The following SLC2A11 variants were observed in gnomAD, a reference collection of about 807,000 sequenced individuals.
SLC2A11 encodes the protein solute carrier family 2, facilitated glucose transporter member 11.
A neutral mutation model predicts 52.1 loss-of-function variants in SLC2A11; 43 were observed. The ratio of observed to expected loss-of-function variants is 0.82; its 90% CI spans 0.65 to 1.06. SLC2A11 has a LOEUF of 1.06. SLC2A11 is among the 50% of genes least tolerant of loss of function. The pLI, the probability that SLC2A11 is intolerant of heterozygous loss-of-function variation, is 0.00. For missense variants in SLC2A11, 582 were observed against 654.2 expected, an observed-to-expected ratio of 0.89 and a Z score of 1.20; for synonymous variants, 261 against 277.6, an observed-to-expected ratio of 0.94 and a Z score of 0.59.
At chr22:23,862,624 A>AT (rs148609125) in intron 2 of SLC2A11, among the ~76,000 whole-genome samples, 10,385 of 151,360 alleles carry the variant, frequency 0.069, 377 homozygotes, top group Middle Eastern at 0.14. Flanking sequence ...CCTGCTCAGA[A>AT]ATTTTTTTTT....
chr22:23,868,448 C>T (rs777938046), intron 2 of SLC2A11, 33 bp from the exon 3 acceptor site: 10 of 1,611,086 alleles, frequency 6.2e-6, no homozygotes, highest in Non-Finnish European at 6.8e-6. Flanking sequence ...ACGCCACCAT[C>T]CCCAGAAGGC....
At chr22:23,868,728 C>G (rs903158810) in intron 3 of SLC2A11, 87 bp downstream of exon 3, 2 of 1,516,504 alleles carry the variant, frequency 1.3e-6, no homozygotes, top group African/African-American at 1.4e-5. Flanking sequence ...AAGGAAGAGG[C>G]CCGGCAAGCT....
chr22:23,875,810 G>C (rs1424013792), intron 4 of SLC2A11, among the ~76,000 whole-genome samples: 12 of 152,188 alleles, frequency 7.9e-5, no homozygotes, highest in Non-Finnish European at 1.5e-5. Context: ...AAAATTAAGT[G>C]ACTTAAAATA....
intron 6 of SLC2A11, chr22:23,879,701 A>G (rs2032736584): frequency 1.3e-5 from 2 of 152,118 alleles, no homozygotes; most frequent in Admixed American, 1.3e-4. Flanking sequence ...TGCCTAGCGT[A>G]CTACAACCCA....
chr22:23,863,350 G>A lies in SLC2A11; in HGVS notation c.129+1148G>A, dbSNP rs139188910. On this transcript the variant is annotated intron_variant, in intron 2 of 11. Transcript: ENST00000316185. ...CTGCTGGTTTGCTCTCAGCATCTGA[G>A]TCATCTTTGAATCTCTGGCCCTTGA... Among the ~76,000 whole-genome samples, 45 of 152,286 alleles carry A rather than the reference G, an allele frequency of 3.0e-4. No homozygotes were observed. The East Asian group carries it at 5.2e-3, about 18-fold the overall frequency.
upstream of SLC2A11, chr22:23,857,533 T>TGAGCTCCCAGCGGC: frequency 6.2e-7 from 1 of 1,611,558 alleles, no homozygotes; most frequent in East Asian, 2.2e-5. Flanking sequence ...CGGACGCAGG[T>TGAGCTCCCAGCGGC]GAGCTCCCAG....
At chr22:23,858,120 T>A in intron 1 of SLC2A11, 91 bp downstream of exon 1, 1 of 1,506,700 alleles carries the variant, frequency 6.6e-7, no homozygotes. Context: ...CCTGGGAGGC[T>A]TAACTAAGTC....
chr22:23,874,970 C>G, intron 3 of SLC2A11, 147 bp from the exon 4 acceptor site: 6 of 842,704 alleles, frequency 7.1e-6, no homozygotes, highest in Non-Finnish European at 9.7e-6. Context: ...GCAAGGATAC[C>G]AGGACTCAAA....
intron 1 of SLC2A11, among the ~76,000 whole-genome samples, chr22:23,861,307 A>T (rs999963815): frequency 1.1e-5 from 1 of 88,572 alleles, no homozygotes; most frequent in African/African-American, 4.4e-5. Flanking sequence ...AAAAAAAAAA[A>T]AAAAAAAAGA....
intron 2 of SLC2A11, among the ~76,000 whole-genome samples, chr22:23,863,486 C>T (rs2032146401): frequency 6.6e-6 from 1 of 152,026 alleles, no homozygotes; most frequent in South Asian, 2.1e-4. Context: ...AGGGCAAGTA[C>T]CTAATCATGT....
intron 3 of SLC2A11, chr22:23,868,980 T>A (rs1481271685): frequency 3.8e-6 from 1 of 262,754 alleles, no homozygotes; most frequent in African/African-American, 2.2e-5. Flanking sequence ...GAATACAAAC[T>A]GACTCTGATA....
At position 23,862,113 on chromosome 22, in the gene SLC2A11, AG is replaced by A; in HGVS notation, c.42del (p.Ile15SerfsTer4). Reference protein sequence around the residue: ...ALLRSRMIQGRILLLTICAAG... With the variant: ...ALLRSRMIQGXILLLTICAAG... Reference sequence around the variant, plus strand: ...TCTCCTCTCTCCTCAGATTCAGGGCAGGATCCTGCTCCTGACCATCTGCGCT... The same window carrying A: ...TCTCCTCTCTCCTCAGATTCAGGGCAGATCCTGCTCCTGACCATCTGCGCT... On this transcript the variant is annotated frameshift_variant, in exon 2 of 12. Coordinates refer to ENST00000316185, the MANE Select transcript of SLC2A11 (RefSeq NM_001024939.4). LOFTEE classifies it high-confidence loss of function. 1 of 1,614,156 alleles carries A rather than the reference AG, an allele frequency of 6.2e-7. No individual in the cohort carries two copies. The highest frequency in any genetic ancestry group is 2.2e-5 in the East Asian group (1 of 44,890).
intron 5 of SLC2A11, 74 bp downstream of exon 5, chr22:23,877,245 C>G: frequency 6.4e-7 from 1 of 1,568,396 alleles, no homozygotes; most frequent in Non-Finnish European, 8.7e-7. Flanking sequence ...CTAAATGTCT[C>G]CCCTACCCAC....
At chr22:23,875,006 TTG>T (rs2032570502) in intron 3 of SLC2A11, 109 bp from the exon 4 acceptor site, 13 of 1,247,634 alleles carry the variant, frequency 1.0e-5, no homozygotes, top group South Asian at 4.9e-5. Context: ...CTACATACAT[TTG>T]TGTGTGTGTC....
intron 6 of SLC2A11, among the ~76,000 whole-genome samples, chr22:23,879,230 C>G (rs939298200): frequency 1.3e-5 from 2 of 152,032 alleles, no homozygotes; most frequent in Non-Finnish European, 2.9e-5. Context: ...CATTGTTGAT[C>G]AGCACGGAAG....
intron 8 of SLC2A11, chr22:23,883,509 C>T (rs2032897128): frequency 2.1e-6 from 1 of 465,712 alleles, no homozygotes; most frequent in African/African-American, 2.0e-5. Context: ...CTCAATCAAT[C>T]AATCAATGCA....
chr22:23,884,609 T>G lies in SLC2A11; in HGVS notation c.1300-40T>G. On this transcript the variant is annotated intron_variant, in intron 11 of 11. Transcript: ENST00000316185. The surrounding 1 kb of genome is among the most constrained non-coding windows in gnomAD (Gnocchi z 4.3). ...CATGGGCCTTCTGTTTAGGGGTTGA[T>G]GGAGACACACCAGGTCTTGGGGTCT... 1 of 1,590,386 alleles carries G rather than the reference T, an allele frequency of 6.3e-7. No homozygotes were observed. Among genetic ancestry groups the G allele is most frequent in the Non-Finnish European group, 8.6e-7 (1 of 1,167,902 alleles).
At chr22:23,858,158 T>A in intron 1 of SLC2A11, 129 bp downstream of exon 1, 1 of 1,335,744 alleles carries the variant, frequency 7.5e-7, no homozygotes, top group Non-Finnish European at 1.1e-6. Context: ...ATCGTGCTTG[T>A]ATGTACAGTG....
In SLC2A11 at chr22:23,883,344, G is replaced by A. The variant is rs181034645; in HGVS notation, c.994-428G>A. On this transcript the variant is annotated intron_variant, in intron 8 of 11. Coordinates refer to ENST00000316185, the MANE Select transcript of SLC2A11 (RefSeq NM_001024939.4). ...AAATTAGCCAGGCGTGGTGGTCTTC[G>A]CCTGTAGTGCTAGCTACTGGCGAGG... 5.0e-4 allele frequency: 162 copies of A among 323,814 alleles called. No homozygotes were observed. The East Asian group carries it at 0.014, about 28-fold the overall frequency. The allele number at this position is 323,814 out of a possible 1,614,324, so 20.1% of individuals were successfully genotyped here.
Sources: allele counts gnomAD v4.1 joint callset (sites outside exome capture counted in the v4.1 genomes callset), GRCh38; gene constraint gnomAD v4.1.1; non-coding constraint Gnocchi (gnomAD v3.1); transcripts MANE v1.5; gene names NCBI Gene and HGNC (gene_info 2026-07-23, HGNC 2026-07-21).